The following TIMM9 variants were observed in gnomAD, a reference collection of about 807,000 sequenced individuals.
TIMM9 encodes mitochondrial import inner membrane translocase subunit Tim9.
In TIMM9, 10 loss-of-function variants were observed where a neutral mutation model predicts 13.4. That is an observed-to-expected ratio of 0.75 (90% CI 0.46 to 1.26). TIMM9 has a LOEUF of 1.26. Among genes scored for constraint, TIMM9 ranks in the 50% most tolerant of loss-of-function variants. The pLI is 0.00. For synonymous variants in TIMM9, 32 were observed against 32.1 expected (o/e 1.00, Z 0.01); for missense variants, 87 against 100.8 (o/e 0.86, Z 0.58).
At chr14:58,427,006 C>T (rs2036871549) in intron 2 of TIMM9, 48 bp downstream of exon 2, 1 of 153,324 alleles carries the variant, frequency 6.5e-6, no homozygotes, top group Non-Finnish European at 1.5e-5. Context: ...GCCTGCCACC[C>T]CCCGTCCGGG....
intron 3 of TIMM9, among the ~76,000 whole-genome samples, chr14:58,412,981 A>G (rs1009533176): frequency 2.0e-5 from 3 of 152,174 alleles, no homozygotes; most frequent in Non-Finnish European, 4.4e-5. Flanking sequence ...AAATTACTTA[A>G]CTATTCCACT....
At chr14:58,420,793 C>CAAA (rs71107945) in intron 3 of TIMM9, among the ~76,000 whole-genome samples, 2 of 57,480 alleles carry the variant, frequency 3.5e-5, no homozygotes, top group African/African-American at 6.9e-5. Flanking sequence ...AAATCCATCT[C>CAAA]AAAAAAAAAA....
intron 3 of TIMM9, among the ~76,000 whole-genome samples, chr14:58,416,551 A>AC (rs1486849202): frequency 6.6e-6 from 1 of 152,244 alleles, no homozygotes; most frequent in East Asian, 1.9e-4. Flanking sequence ...AAGTTTCTAA[A>AC]CGAAGAAAAT....
chr14:58,422,018 T>G (rs910701199), intron 3 of TIMM9, among the ~76,000 whole-genome samples: 7 of 151,982 alleles, frequency 4.6e-5, no homozygotes, highest in African/African-American at 1.7e-4. Context: ...CTGTTCTTTT[T>G]TTTTTTTTTT....
chr14:58,409,945 G>T (rs2036160201), intron 5 of TIMM9, among the ~76,000 whole-genome samples: 1 of 151,702 alleles, frequency 6.6e-6, no homozygotes, highest in African/African-American at 2.4e-5. Context: ...GCCTCACTGT[G>T]GCCTCAACCT....
chr14:58,426,313 C>A (rs1241697579), intron 2 of TIMM9, among the ~76,000 whole-genome samples: 1 of 151,290 alleles, frequency 6.6e-6, no homozygotes, highest in African/African-American at 2.4e-5. Context: ...TCAAGCAATT[C>A]TCTTGCCTCA....
chr14:58,410,110 C>T (rs1438916718), intron 5 of TIMM9, among the ~76,000 whole-genome samples: 1 of 151,922 alleles, frequency 6.6e-6, no homozygotes, highest in African/African-American at 2.4e-5. Context: ...CTTGCTCTGT[C>T]GCCCAGGCTA....
intron 3 of TIMM9, among the ~76,000 whole-genome samples, chr14:58,418,273 C>T (rs1039545541): frequency 6.6e-6 from 1 of 151,976 alleles, no homozygotes; most frequent in Non-Finnish European, 1.5e-5. Context: ...AAATGCAATA[C>T]CCATTCATAG....
At chr14:58,416,184 T>C (rs2036403806) in intron 3 of TIMM9, among the ~76,000 whole-genome samples, 1 of 151,922 alleles carries the variant, frequency 6.6e-6, no homozygotes, top group Non-Finnish European at 1.5e-5. Context: ...GCCAAGATCA[T>C]GTCAGTGCAT....
At position 58,409,913 on chromosome 14, in the gene TIMM9, G is replaced by A. The variant is rs559740410; in HGVS notation, c.136-745C>T. On this transcript the variant is annotated intron_variant, in intron 5 of 5. Coordinates refer to ENST00000395159, the MANE Select transcript of TIMM9 (RefSeq NM_012460.4). ...TTTTTTTGAGACAGGTTCTCTCTCT[G>A]TTGCCCAGGGTGGAGTGCAGTGCCT... Among the ~76,000 whole-genome samples the A allele has an allele frequency of 5.3e-5, 8 of 152,132 alleles. No homozygotes were observed. In the East Asian group the frequency reaches 7.8e-4, roughly 15 times the overall value.
At chr14:58,412,625 G>C (rs1011186027) in intron 3 of TIMM9, among the ~76,000 whole-genome samples, 1 of 152,116 alleles carries the variant, frequency 6.6e-6, no homozygotes, top group Non-Finnish European at 1.5e-5. Flanking sequence ...AAAAAGCTGG[G>C]TGTGGTGGCT....
intron 2 of TIMM9, among the ~76,000 whole-genome samples, chr14:58,425,085 T>A (rs892536389): frequency 6.6e-5 from 10 of 151,940 alleles, no homozygotes; most frequent in African/African-American, 2.4e-4. Flanking sequence ...GTGTCAGTCA[T>A]AAAGAAAAGG....
At position 58,426,215 on chromosome 14, in the gene TIMM9, C is replaced by CT. The variant is rs555358503; in HGVS notation, c.-115+838dup. ...CTGAGCCCTTAAAGTCTTTTTTTTT[C>CT]TTTTTTTTTTAAGACAGTCTTGATC... On this transcript the variant is annotated intron_variant, in intron 2 of 5. Transcript: ENST00000395159. Among the ~76,000 whole-genome samples the CT allele has an allele frequency of 3.8e-3, 549 of 144,760 alleles. 4 individuals carry two copies. Among genetic ancestry groups the CT allele is most frequent in the South Asian group, 6.1e-3 (27 of 4,418 alleles). The allele number at this position is 144,760 out of a possible 152,430, so 95.0% of individuals were successfully genotyped here. A position where few individuals can be genotyped will look rare whatever the true frequency, so the allele number is the denominator to read the frequency against.
chr14:58,423,289 G>T (rs566995716), intron 3 of TIMM9, among the ~76,000 whole-genome samples: 1 of 151,510 alleles, frequency 6.6e-6, no homozygotes, highest in Non-Finnish European at 1.5e-5. Context: ...AGGCCAAGGC[G>T]GGTGGATCAT....
At chr14:58,420,533 C>T (rs1328940398) in intron 3 of TIMM9, among the ~76,000 whole-genome samples, 3 of 152,144 alleles carry the variant, frequency 2.0e-5, no homozygotes, top group Non-Finnish European at 1.5e-5. Context: ...TGGCTCACGC[C>T]TGTAATCCCA....
At chr14:58,420,245 T>C (rs1377471143) in intron 3 of TIMM9, among the ~76,000 whole-genome samples, 1 of 152,160 alleles carries the variant, frequency 6.6e-6, no homozygotes, top group East Asian at 1.9e-4. Flanking sequence ...AAACTTTTGC[T>C]TTATGAAAGA....
intron 3 of TIMM9, among the ~76,000 whole-genome samples, chr14:58,422,656 C>T (rs7157625): frequency 0.99 from 149,991 of 152,274 alleles, 73,909 homozygotes; most frequent in East Asian, 1. Flanking sequence ...GAAATAAAGT[C>T]TGTCATACTA....
chr14:58,424,431 CCTAACTAAGGT>C (rs1450312447), intron 2 of TIMM9, among the ~76,000 whole-genome samples: 1 of 152,118 alleles, frequency 6.6e-6, no homozygotes, highest in African/African-American at 2.4e-5. Flanking sequence ...ACAGCTGGAG[CCTAACTAAGGT>C]CTTTGGACTT....
chr14:58,417,308 AAAAAG>A (rs2036442655), intron 3 of TIMM9, among the ~76,000 whole-genome samples: 1 of 151,822 alleles, frequency 6.6e-6, no homozygotes, highest in Non-Finnish European at 1.5e-5. Context: ...CTCTCTCCAA[AAAAAG>A]AAAAGAAAGA....
Sources: allele counts gnomAD v4.1 joint callset (sites outside exome capture counted in the v4.1 genomes callset), GRCh38; gene constraint gnomAD v4.1.1; transcripts MANE v1.5; gene names NCBI Gene and HGNC (gene_info 2026-07-23, HGNC 2026-07-21).